The following ZCCHC7 variants were observed in gnomAD, a reference collection of about 807,000 sequenced individuals.
ZCCHC7 encodes the protein zinc finger CCHC domain-containing protein 7.
Under a neutral mutation model 52.0 loss-of-function variants are expected in ZCCHC7, and 35 were observed. The ratio of observed to expected loss-of-function variants is 0.67; its 90% CI spans 0.51 to 0.89. The LOEUF (loss-of-function observed/expected upper bound fraction) is 0.89, where lower values mean the gene tolerates loss of function less well. Among genes scored for constraint, ZCCHC7 ranks in the 40% least tolerant of loss-of-function variants. The pLI is 0.00. For synonymous variants in ZCCHC7, 217 were observed against 221.5 expected (o/e 0.98, Z 0.18); for missense variants, 574 against 649.1 (o/e 0.88, Z 1.26).
intron 2 of ZCCHC7, among the ~76,000 whole-genome samples, chr9:37,181,840 T>G (rs1822370668): frequency 6.6e-6 from 1 of 152,152 alleles, no homozygotes; most frequent in South Asian, 2.1e-4. Flanking sequence ...TGATTTTTCT[T>G]TATTTTTATA....
chr9:37,182,060 T>G (rs1195932541), intron 2 of ZCCHC7, among the ~76,000 whole-genome samples: 1 of 152,184 alleles, frequency 6.6e-6, no homozygotes, highest in Non-Finnish European at 1.5e-5. Context: ...AATTGTTGGT[T>G]TATAGAGATA....
intron 6 of ZCCHC7, among the ~76,000 whole-genome samples, chr9:37,330,584 A>G (rs934318228): frequency 2.6e-5 from 4 of 151,670 alleles, no homozygotes; most frequent in Non-Finnish European, 5.9e-5. Context: ...CAAGTACATA[A>G]TTTCCTCAAA....
chr9:37,222,374 TGTG>T (rs1375532461), intron 2 of ZCCHC7, among the ~76,000 whole-genome samples: 4 of 142,982 alleles, frequency 2.8e-5, no homozygotes, highest in Non-Finnish European at 4.7e-5. Context: ...TGTGTGTGTG[TGTG>T]TTTTCAAGTA....
At chr9:37,326,260 T>A (rs1389542081) in intron 5 of ZCCHC7, 2 of 152,152 alleles carry the variant, frequency 1.3e-5, no homozygotes, top group Non-Finnish European at 2.9e-5. Context: ...TAAGAACTTT[T>A]GTAACAAAGT....
intron 2 of ZCCHC7, among the ~76,000 whole-genome samples, chr9:37,230,519 G>A (rs1400115646): frequency 1.3e-5 from 2 of 152,144 alleles, no homozygotes; most frequent in Non-Finnish European, 2.9e-5. Context: ...ATTATTTTAT[G>A]AATGTATATA....
chr9:37,268,159 G>A (rs1235155975), intron 2 of ZCCHC7, among the ~76,000 whole-genome samples: 1 of 152,136 alleles, frequency 6.6e-6, no homozygotes, highest in Non-Finnish European at 1.5e-5. Flanking sequence ...GTTCCCCACA[G>A]TGCTTAACAC....
intron 5 of ZCCHC7, among the ~76,000 whole-genome samples, chr9:37,322,746 A>G (rs750525902): frequency 1.1e-4 from 17 of 150,940 alleles, no homozygotes; most frequent in Non-Finnish European, 2.1e-4. Context: ...TATTTTATTC[A>G]TTTTGTTCAT....
intron 6 of ZCCHC7, among the ~76,000 whole-genome samples, chr9:37,342,116 A>G (rs1338693072): frequency 1.3e-5 from 2 of 152,214 alleles, no homozygotes; most frequent in Non-Finnish European, 2.9e-5. Context: ...TCTTGTAATC[A>G]TCCAAACGAG....
intron 2 of ZCCHC7, among the ~76,000 whole-genome samples, chr9:37,139,646 C>T (rs1210737316): frequency 4.6e-5 from 7 of 151,872 alleles, no homozygotes; most frequent in Non-Finnish European, 1.0e-4. Context: ...TCGTGTTTTG[C>T]AAACACGTTT....
chr9:37,249,168 A>G (rs1378940155), intron 2 of ZCCHC7, among the ~76,000 whole-genome samples: 5 of 152,104 alleles, frequency 3.3e-5, no homozygotes, highest in African/African-American at 9.7e-5. Flanking sequence ...ATGTGAGTCT[A>G]TGGTCCCATT....
chr9:37,185,142 CA>C, intron 2 of ZCCHC7, among the ~76,000 whole-genome samples: 1 of 152,258 alleles, frequency 6.6e-6, no homozygotes, highest in East Asian at 1.9e-4. Context: ...GACACCAGGC[CA>C]ACAGTCTCTA....
chr9:37,204,531 A>T (rs1453336828), intron 2 of ZCCHC7, among the ~76,000 whole-genome samples: 1 of 152,128 alleles, frequency 6.6e-6, no homozygotes, highest in Non-Finnish European at 1.5e-5. Context: ...ATATGGCTAG[A>T]CAGTTTTCCC....
Position 37,356,959 on chromosome 9 carries a change from AG to A in ZCCHC7, c.1324del (p.Glu442LysfsTer9). On this transcript the variant is annotated frameshift_variant, in exon 9 of 9. Transcript: ENST00000336755. LOFTEE classifies it low-confidence loss of function (END_TRUNC). ...CATGGAAAAGCAACAGGTGGCCTCA[AG>A]AAAATAAAGAAACACAAAAAGAAAT... ...ASWKSNRWPQ[E>X]NKETQKEMKN... The A allele has an allele frequency of 6.2e-7, 1 of 1,613,886 alleles. No homozygotes were observed. Among genetic ancestry groups the A allele is most frequent in the Non-Finnish European group, 8.5e-7 (1 of 1,179,950 alleles).
chr9:37,156,876 A>G (rs1820841577), intron 2 of ZCCHC7, among the ~76,000 whole-genome samples: 1 of 152,150 alleles, frequency 6.6e-6, no homozygotes, highest in Admixed American at 6.5e-5. Context: ...TTCATTCAAT[A>G]TTAACACCTT....
intron 2 of ZCCHC7, among the ~76,000 whole-genome samples, chr9:37,201,821 AG>A (rs1383456990): frequency 2.0e-5 from 3 of 152,186 alleles, no homozygotes; most frequent in Non-Finnish European, 4.4e-5. Context: ...CCTCCCCCAA[AG>A]CTATAGAAAC....
intron 2 of ZCCHC7, among the ~76,000 whole-genome samples, chr9:37,138,128 T>G (rs1426321481): frequency 1.3e-5 from 2 of 152,194 alleles, no homozygotes; most frequent in African/African-American, 4.8e-5. Flanking sequence ...CACCTTACAC[T>G]TAACTATTGT....
intron 2 of ZCCHC7, among the ~76,000 whole-genome samples, chr9:37,172,365 C>T (rs913134023): frequency 3.3e-5 from 5 of 152,072 alleles, no homozygotes; most frequent in African/African-American, 7.2e-5. Flanking sequence ...TGAACTTTGC[C>T]GGATATTTTG....
chr9:37,123,830 A>G (rs1257402111), intron 1 of ZCCHC7, among the ~76,000 whole-genome samples: 1 of 152,256 alleles, frequency 6.6e-6, no homozygotes, highest in African/African-American at 2.4e-5. Flanking sequence ...CTAACAATTC[A>G]ATATAAACTG....
At chr9:37,317,425 G>C (rs1011969218) in intron 5 of ZCCHC7, among the ~76,000 whole-genome samples, 20 of 152,152 alleles carry the variant, frequency 1.3e-4, no homozygotes, top group Admixed American at 7.9e-4. Context: ...CTTAATATAA[G>C]TATTTCCTGG....
Sources: gnomAD v4.1 joint callset for allele counts (sites outside exome capture counted in the v4.1 genomes callset) on GRCh38, gnomAD v4.1.1 for gene constraint, MANE v1.5 for transcripts, NCBI Gene and HGNC (gene_info 2026-07-23, HGNC 2026-07-21) for gene names.